The following OSBPL3 variants were observed in gnomAD, a reference collection of about 807,000 sequenced individuals.
OSBPL3 encodes oxysterol-binding protein-related protein 3.
Under a neutral mutation model 120.1 loss-of-function variants are expected in OSBPL3, and 65 were observed. The ratio of observed to expected loss-of-function variants is 0.54; its 90% CI spans 0.44 to 0.67. OSBPL3 has a LOEUF of 0.67. Among genes scored for constraint, OSBPL3 ranks in the 30% least tolerant of loss-of-function variants. The pLI, the probability that OSBPL3 is intolerant of heterozygous loss-of-function variation, is 0.00. For synonymous variants in OSBPL3, 416 were observed against 402.6 expected, an observed-to-expected ratio of 1.03 and a Z score of -0.40; for missense variants, 1,004 against 1,082.1, an observed-to-expected ratio of 0.93 and a Z score of 1.01.
intron 1 of OSBPL3, among the ~76,000 whole-genome samples, chr7:24,920,586 T>C (rs1268885484): frequency 2.6e-5 from 4 of 152,134 alleles, no homozygotes; most frequent in Admixed American, 2.6e-4. Context: ...CTAAAAAATA[T>C]TACTGACATA....
Position 24,849,242 on chromosome 7 carries a change from G to A in OSBPL3, c.1159-66C>T. The A allele has an allele frequency of 3.3e-6, 4 of 1,228,038 alleles. 1 individual carries two copies. In the South Asian group the frequency reaches 3.8e-5, roughly 12 times the overall value. 76.1% of individuals were successfully genotyped at this position (1,228,038 alleles called of 1,614,324 possible). On this transcript the variant is annotated intron_variant, in intron 11 of 22. Coordinates refer to ENST00000313367, the MANE Select transcript of OSBPL3 (RefSeq NM_015550.4). This position sits in a 1 kb window ranked among gnomAD's most constrained non-coding sequence, Gnocchi z 5.4. ...ATGTTTCAGAAAAGCACAGCAGTGG[G>A]CCCTGCAGGAGCGATCTCTAAGAGC...
chr7:24,936,007 A>G lies in OSBPL3; in HGVS notation c.-149-43386T>C, dbSNP rs1812370644. 6.7e-6 allele frequency among the ~76,000 whole-genome samples: 1 copy of G among 149,226 alleles called. No individual in the cohort carries two copies. The highest frequency in any genetic ancestry group is 2.5e-5 in the African/African-American group (1 of 40,678). Reference sequence around the variant, plus strand: ...ATTAACTTGTCATTTAGCATTAGGTATATCTCCTAAAGCTATCCCTCCCCC... The same window carrying G: ...ATTAACTTGTCATTTAGCATTAGGTGTATCTCCTAAAGCTATCCCTCCCCC... On this transcript the variant is annotated intron_variant, in intron 1 of 22. Coordinates refer to ENST00000313367, the MANE Select transcript of OSBPL3 (RefSeq NM_015550.4). The surrounding 1 kb of genome is among the most constrained non-coding windows in gnomAD (Gnocchi z 4.2).
At chr7:24,828,161 A>G (rs1795918719) in intron 16 of OSBPL3, among the ~76,000 whole-genome samples, 1 of 152,024 alleles carries the variant, frequency 6.6e-6, no homozygotes, top group Non-Finnish European at 1.5e-5. Context: ...AGTAACTGGG[A>G]TTATAGGCAT....
intron 1 of OSBPL3, among the ~76,000 whole-genome samples, chr7:24,978,944 G>A (rs1402781445): frequency 1.3e-5 from 2 of 152,210 alleles, no homozygotes; most frequent in East Asian, 3.8e-4. Context: ...CCGAAGGAAG[G>A]GCGGCGCGCC....
In OSBPL3 at chr7:24,898,624, A is replaced by C. The variant is rs1008857351; in HGVS notation, c.-149-6003T>G. 2.6e-5 allele frequency among the ~76,000 whole-genome samples: 4 copies of C among 152,182 alleles called. No individual in the cohort carries two copies. Among genetic ancestry groups the C allele is most frequent in the Admixed American group, 2.0e-4 (3 of 15,278 alleles). On this transcript the variant is annotated intron_variant, in intron 1 of 22. Transcript: ENST00000313367. This position sits in a 1 kb window ranked among gnomAD's most constrained non-coding sequence, Gnocchi z 4.3. ...GAGCCCAATCCAGCAACAGAAATGC[A>C]CCTGGTGCATATTTGAAGCGTGCGG...
In OSBPL3 at chr7:24,968,014, T is replaced by A. The variant is rs1320538764; in HGVS notation, c.-150+11872A>T. The stretch of plus-strand genomic sequence containing the variant: ...ATACGCCTGAAACTCTGCAGTTACT[T>A]TTTGGTTTGCTTTATATATTTACTT... On this transcript the variant is annotated intron_variant, in intron 1 of 22. Coordinates refer to ENST00000313367, the MANE Select transcript of OSBPL3 (RefSeq NM_015550.4). The surrounding 1 kb of genome is among the most constrained non-coding windows in gnomAD (Gnocchi z 4.6). Among the ~76,000 whole-genome samples the A allele has an allele frequency of 6.6e-6, 1 of 152,200 alleles. No homozygotes were observed. Among genetic ancestry groups the A allele is most frequent in the Non-Finnish European group, 1.5e-5 (1 of 68,038 alleles).
In OSBPL3 at chr7:24,872,487, G is replaced by GTGTGTGTGT. The variant is rs372401054; in HGVS notation, c.97-419_97-418insACACACACA. Among the ~76,000 whole-genome samples the GTGTGTGTGT allele has an allele frequency of 7.0e-6, 1 of 142,980 alleles. No homozygotes were observed. Among genetic ancestry groups the GTGTGTGTGT allele is most frequent in the Non-Finnish European group, 1.5e-5 (1 of 64,608 alleles). 93.8% of individuals were successfully genotyped at this position (142,980 alleles called of 152,430 possible). A position where few individuals can be genotyped will look rare whatever the true frequency, so the allele number is the denominator to read the frequency against. On this transcript the variant is annotated intron_variant, in intron 2 of 22. Coordinates refer to ENST00000313367, the MANE Select transcript of OSBPL3 (RefSeq NM_015550.4). The surrounding 1 kb of genome is among the most constrained non-coding windows in gnomAD (Gnocchi z 4.1). ...TGTGTGTGTGTGTGTGTGTGTGTGT[G>GTGTGTGTGT]GTGTTGGGGGAAGGAAGTTGGTTTA...
At chr7:24,910,852 C>G (rs1026821112) in intron 1 of OSBPL3, among the ~76,000 whole-genome samples, 3 of 152,142 alleles carry the variant, frequency 2.0e-5, no homozygotes, top group African/African-American at 7.2e-5. Flanking sequence ...TGAGCTGGGT[C>G]GGGAGGGGCA....
chr7:24,935,298 T>C (rs961370918), intron 1 of OSBPL3, among the ~76,000 whole-genome samples: 6 of 152,164 alleles, frequency 3.9e-5, no homozygotes, highest in South Asian at 2.1e-4. Context: ...GAAATTAATA[T>C]TGGCACACTA....
rs1170793195 is a variant in OSBPL3 at position 24,966,571 on chromosome 7, A to T, written c.-150+13315T>A. On this transcript the variant is annotated intron_variant, in intron 1 of 22. Transcript: ENST00000313367. The surrounding 1 kb of genome is among the most constrained non-coding windows in gnomAD (Gnocchi z 4.8). ...CAGGTGTGCATGAAGAAGGCCAGGC[A>T]GTCCTTTTTCTGAGCCATGTTTAGG... 6.6e-6 allele frequency among the ~76,000 whole-genome samples: 1 copy of T among 152,250 alleles called. No individual in the cohort carries two copies. The highest frequency in any genetic ancestry group is 1.5e-5 in the Non-Finnish European group (1 of 68,048).
intron 1 of OSBPL3, among the ~76,000 whole-genome samples, chr7:24,970,003 C>T (rs181582041): frequency 4.3e-4 from 65 of 152,204 alleles, no homozygotes; most frequent in South Asian, 2.3e-3. Context: ...TTCATCAAAC[C>T]GGATAGTCCA....
At chr7:24,800,597 C>T (rs1484458162) in intron 22 of OSBPL3, among the ~76,000 whole-genome samples, 1 of 151,836 alleles carries the variant, frequency 6.6e-6, no homozygotes, top group Non-Finnish European at 1.5e-5. Flanking sequence ...GCTGGGACTA[C>T]AGCCATGTGC....
rs1811612584 is a variant in OSBPL3 at position 24,930,199 on chromosome 7, T to C, written c.-149-37578A>G. The stretch of plus-strand genomic sequence containing the variant: ...CTTCTAATTAACTAATGATCAAAGG[T>C]GAGGCAGAAATGCATGGCAAAACTG... On this transcript the variant is annotated intron_variant, in intron 1 of 22. Transcript: ENST00000313367. This position sits in a 1 kb window ranked among gnomAD's most constrained non-coding sequence, Gnocchi z 4.4. Among the ~76,000 whole-genome samples the C allele has an allele frequency of 6.6e-6, 1 of 152,090 alleles. No homozygotes were observed. Among genetic ancestry groups the C allele is most frequent in the South Asian group, 2.1e-4 (1 of 4,818 alleles).
intron 12 of OSBPL3, 70 bp from the exon 13 acceptor site, chr7:24,842,483 T>C: frequency 3.3e-6 from 4 of 1,226,920 alleles, no homozygotes; most frequent in East Asian, 2.3e-5. Flanking sequence ...ATAAATGATT[T>C]AGTTGTACAA....
intron 1 of OSBPL3, among the ~76,000 whole-genome samples, chr7:24,961,006 T>G (rs1815668199): frequency 6.6e-6 from 1 of 152,156 alleles, no homozygotes; most frequent in Admixed American, 6.5e-5. Flanking sequence ...TATGAATAAT[T>G]AAACTTCGAA....
intron 17 of OSBPL3, 62 bp from the exon 18 acceptor site, chr7:24,816,750 T>C: frequency 9.7e-7 from 1 of 1,035,766 alleles, no homozygotes. Flanking sequence ...AAATAGTTCC[T>C]AGGCTAGATA....
At position 24,804,945 on chromosome 7, in the gene OSBPL3, C is replaced by T. The variant is rs1295946750; in HGVS notation, c.2445-508G>A. ...ATACATCTTCATTTTTTAATAGCCACATAATATCCAGTTGCGTGGATGTAT... is the reference window on the plus strand; with the variant it reads ...ATACATCTTCATTTTTTAATAGCCATATAATATCCAGTTGCGTGGATGTAT... On this transcript the variant is annotated intron_variant, in intron 21 of 22. Transcript: ENST00000313367. This position sits in a 1 kb window ranked among gnomAD's most constrained non-coding sequence, Gnocchi z 5.4. Among the ~76,000 whole-genome samples the T allele has an allele frequency of 6.6e-6, 1 of 152,184 alleles. No homozygotes were observed. The highest frequency in any genetic ancestry group is 6.5e-5 in the Admixed American group (1 of 15,278).
intron 1 of OSBPL3, among the ~76,000 whole-genome samples, chr7:24,931,688 C>T (rs945807061): frequency 6.6e-6 from 1 of 151,220 alleles, no homozygotes; most frequent in African/African-American, 2.4e-5. Context: ...TAAATTTAAA[C>T]AACTTAAGCT....
Position 24,898,615 on chromosome 7 carries a change from C to A in OSBPL3, c.-149-5994G>T, listed in dbSNP as rs1393572498. On this transcript the variant is annotated intron_variant, in intron 1 of 22. Coordinates refer to ENST00000313367, the MANE Select transcript of OSBPL3 (RefSeq NM_015550.4). The surrounding 1 kb of genome is among the most constrained non-coding windows in gnomAD (Gnocchi z 4.3). The stretch of plus-strand genomic sequence containing the variant: ...GATTGCTCAGAGCCCAATCCAGCAA[C>A]AGAAATGCACCTGGTGCATATTTGA... 2.6e-5 allele frequency among the ~76,000 whole-genome samples: 4 copies of A among 152,272 alleles called. No homozygotes were observed. The East Asian group carries it at 7.7e-4, about 29-fold the overall frequency.
Sources: gnomAD v4.1 joint callset for allele counts (sites outside exome capture counted in the v4.1 genomes callset) on GRCh38, gnomAD v4.1.1 for gene constraint, Gnocchi (gnomAD v3.1) non-coding constraint, MANE v1.5 for transcripts, NCBI Gene and HGNC (gene_info 2026-07-23, HGNC 2026-07-21) for gene names.